Variants in ROBO1 observed in about 807,000 individuals in gnomAD.
ROBO1 encodes the protein roundabout homolog 1.
ROBO1 carries 149 observed loss-of-function variants against 195.9 expected under a neutral mutation model. The ratio of observed to expected loss-of-function variants is 0.76; its 90% CI spans 0.67 to 0.87. ROBO1 has a LOEUF of 0.87. ROBO1 is among the 40% of genes least tolerant of loss of function. The probability of loss-of-function intolerance (pLI) is 0.00; values close to 1 mark genes in which losing one functional copy is unlikely to be tolerated. For missense variants in ROBO1, 1,933 were observed against 2,068.3 expected, an observed-to-expected ratio of 0.93 and a Z score of 1.27; for synonymous variants, 816 against 733.2, an observed-to-expected ratio of 1.11 and a Z score of -1.82.
At chr3:78,931,059 T>C (rs530892640) in intron 4 of ROBO1, among the ~76,000 whole-genome samples, 1 of 152,144 alleles carries the variant, frequency 6.6e-6, no homozygotes, top group East Asian at 1.9e-4. Flanking sequence ...GGAATTTCCA[T>C]GAAGACAAGA....
chr3:79,605,256 T>A (rs1186339775), intron 1 of ROBO1, among the ~76,000 whole-genome samples: 2 of 151,728 alleles, frequency 1.3e-5, no homozygotes, highest in East Asian at 3.9e-4. Flanking sequence ...CTTTTTTTTT[T>A]AACTCTTCTT....
chr3:78,978,893 A>G (rs760799460), intron 3 of ROBO1, among the ~76,000 whole-genome samples: 1 of 152,314 alleles, frequency 6.6e-6, no homozygotes, highest in Middle Eastern at 3.4e-3. Flanking sequence ...CCAACTATTT[A>G]CAAACCTCCT....
chr3:79,183,695 G>A (rs1347759584), intron 2 of ROBO1, among the ~76,000 whole-genome samples: 2 of 152,238 alleles, frequency 1.3e-5, no homozygotes, highest in Non-Finnish European at 2.9e-5. Context: ...AATGCAGTCG[G>A]TTAGTGGCAG....
intron 24 of ROBO1, 124 bp from the exon 25 acceptor site, chr3:78,631,429 G>T: frequency 1.9e-6 from 2 of 1,035,656 alleles, no homozygotes; most frequent in Non-Finnish European, 2.7e-6. Context: ...AGATAAACAT[G>T]CTTTTTCATT....
chr3:78,956,688 A>C (rs1283652519), intron 3 of ROBO1, among the ~76,000 whole-genome samples: 5 of 152,206 alleles, frequency 3.3e-5, no homozygotes, highest in African/African-American at 1.2e-4. Flanking sequence ...TCTTGGAGGC[A>C]GTCAGTGTAC....
chr3:78,820,430 TGG>T (rs1233735365), intron 4 of ROBO1, among the ~76,000 whole-genome samples: 41 of 152,332 alleles, frequency 2.7e-4, no homozygotes, highest in African/African-American at 9.4e-4. Context: ...TGTCAAGGCC[TGG>T]ATTCAAAGCC....
At chr3:79,190,256 TG>T (rs1193562667) in intron 2 of ROBO1, among the ~76,000 whole-genome samples, 1 of 151,694 alleles carries the variant, frequency 6.6e-6, no homozygotes, top group Non-Finnish European at 1.5e-5. Flanking sequence ...GATCCCTTAA[TG>T]GAATGTTGTC....
At chr3:78,880,429 G>A (rs1204106911) in intron 4 of ROBO1, among the ~76,000 whole-genome samples, 2 of 151,970 alleles carry the variant, frequency 1.3e-5, no homozygotes, top group Admixed American at 1.3e-4. Context: ...GGAACCCATC[G>A]TCACTTACTG....
chr3:79,186,796 G>C (rs770673442), intron 2 of ROBO1, among the ~76,000 whole-genome samples: 2 of 152,074 alleles, frequency 1.3e-5, no homozygotes, highest in Non-Finnish European at 2.9e-5. Flanking sequence ...GATGGCAACA[G>C]TGGGACAACT....
chr3:79,124,875 T>C (rs1324501853), intron 3 of ROBO1, among the ~76,000 whole-genome samples: 2 of 152,202 alleles, frequency 1.3e-5, no homozygotes, highest in African/African-American at 4.8e-5. Flanking sequence ...TATATATCAA[T>C]TATTTCTAAT....
chr3:78,888,062 C>A (rs2036667373), intron 4 of ROBO1, among the ~76,000 whole-genome samples: 1 of 152,180 alleles, frequency 6.6e-6, no homozygotes, highest in Admixed American at 6.5e-5. Context: ...ATACAACTTC[C>A]AATTAAACAA....
intron 2 of ROBO1, among the ~76,000 whole-genome samples, chr3:79,340,062 G>A (rs1576996181): frequency 6.6e-6 from 1 of 152,294 alleles, no homozygotes. Flanking sequence ...GTGATAGCCT[G>A]TTTGCTCTGC....
At chr3:79,230,137 T>C (rs2108849063) in intron 2 of ROBO1, among the ~76,000 whole-genome samples, 1 of 152,242 alleles carries the variant, frequency 6.6e-6, no homozygotes, top group South Asian at 2.1e-4. Context: ...ACCTTCAATC[T>C]ATACCCATAA....
chr3:78,631,844 A>G (rs1166083094), intron 24 of ROBO1, among the ~76,000 whole-genome samples: 1 of 152,212 alleles, frequency 6.6e-6, no homozygotes, highest in Admixed American at 6.5e-5. Flanking sequence ...CTAATGACAA[A>G]AGAAGCAGAA....
At chr3:79,100,545 G>A (rs2108509304) in intron 3 of ROBO1, among the ~76,000 whole-genome samples, 1 of 151,794 alleles carries the variant, frequency 6.6e-6, no homozygotes, top group East Asian at 1.9e-4. Context: ...GAATGAATTA[G>A]TCTCCTGCAG....
chr3:79,373,874 C>A (rs1274827870), intron 2 of ROBO1, among the ~76,000 whole-genome samples: 1 of 152,084 alleles, frequency 6.6e-6, no homozygotes, highest in Non-Finnish European at 1.5e-5. Context: ...CCCTTGGGGA[C>A]CTTTAGATCT....
chr3:79,638,486 C>T (rs1445287785), intron 1 of ROBO1, among the ~76,000 whole-genome samples: 7 of 152,100 alleles, frequency 4.6e-5, no homozygotes, highest in Non-Finnish European at 1.0e-4. Context: ...TGCCACCTGG[C>T]TCAGGATGGT....
intron 2 of ROBO1, among the ~76,000 whole-genome samples, chr3:79,264,289 C>T (rs2082994443): frequency 6.6e-6 from 1 of 151,644 alleles, no homozygotes; most frequent in South Asian, 2.1e-4. Flanking sequence ...GAAAGAATAT[C>T]CTGCTTCATC....
chr3:79,123,944 T>A (rs1412898980), intron 3 of ROBO1, among the ~76,000 whole-genome samples: 1 of 152,086 alleles, frequency 6.6e-6, no homozygotes, highest in African/African-American at 2.4e-5. Flanking sequence ...TACTTATACA[T>A]AATTTTTGGG....
Sources: gnomAD v4.1 joint callset for allele counts (sites outside exome capture counted in the v4.1 genomes callset) on GRCh38, gnomAD v4.1.1 for gene constraint, MANE v1.5 for transcripts, NCBI Gene and HGNC (gene_info 2026-07-23, HGNC 2026-07-21) for gene names.